GRK2: variants seen among roughly 807,000 people sequenced by gnomAD.
GRK2 encodes adrenergic beta receptor kinase 1.
A neutral mutation model predicts 97.8 loss-of-function variants in GRK2; 23 were observed. The ratio of observed to expected loss-of-function variants is 0.24; its 90% CI spans 0.17 to 0.33. The LOEUF (loss-of-function observed/expected upper bound fraction) is 0.33, where lower values mean the gene tolerates loss of function less well. Ranked by LOEUF, GRK2 falls within the 10% of genes least tolerant of loss-of-function variation. GRK2 has a pLI of 1.00. For synonymous variants in GRK2, 425 were observed against 381.7 expected (o/e 1.11, Z -1.32); for missense variants, 633 against 956.9 (o/e 0.66, Z 4.47).
At chr11:67,278,283 C>T (rs550236520) in intron 2 of GRK2, among the ~76,000 whole-genome samples, 88 of 152,342 alleles carry the variant, frequency 5.8e-4, no homozygotes, top group Middle Eastern at 3.4e-3. Context: ...CATGAGAGGC[C>T]ACCCAGCTCG....
chr11:67,279,068 T>G (rs912729902), intron 2 of GRK2, 132 bp from the exon 3 acceptor site: 2 of 746,280 alleles, frequency 2.7e-6, no homozygotes, highest in African/African-American at 1.7e-5. Context: ...GCCCACCCCT[T>G]GCCTGGGGCC....
chr11:67,283,294 G>T, intron 15 of GRK2, 66 bp downstream of exon 15: 2 of 1,421,362 alleles, frequency 1.4e-6, no homozygotes, highest in Non-Finnish European at 2.0e-6. Flanking sequence ...GCTGTGTCCC[G>T]TCACCTGGAA....
intron 2 of GRK2, among the ~76,000 whole-genome samples, chr11:67,278,590 G>A (rs937624400): frequency 1.3e-5 from 2 of 152,182 alleles, no homozygotes; most frequent in African/African-American, 4.8e-5. Context: ...TGTCTGACCA[G>A]CTCCCTGAGC....
At chr11:67,271,958 G>A (rs1275301634) in intron 1 of GRK2, among the ~76,000 whole-genome samples, 3 of 152,208 alleles carry the variant, frequency 2.0e-5, no homozygotes, top group Non-Finnish European at 2.9e-5. Flanking sequence ...ACTGGTTGGT[G>A]AATGCTCGCT....
At chr11:67,284,033 G>T (rs1860217473) in intron 17 of GRK2, 84 bp downstream of exon 17, 1 of 1,443,882 alleles carries the variant, frequency 6.9e-7, no homozygotes, top group Non-Finnish European at 9.5e-7. Flanking sequence ...TCACCTGTGA[G>T]ACCCTGTGCC....
rs1307019463 is a variant in GRK2 at position 67,284,997 on chromosome 11, G to A, written c.1791+14G>A. ...GGCGAGGCCCCGGTAAGGAGCCCGT[G>A]CGGGGGTCCGGGAGCCGGGCTTCCG... On this transcript the variant is annotated intron_variant, in intron 19 of 20. Coordinates refer to ENST00000308595, the MANE Select transcript of GRK2 (RefSeq NM_001619.5). 3 of 1,612,380 alleles carry A rather than the reference G, an allele frequency of 1.9e-6. No individual in the cohort carries two copies. Among genetic ancestry groups the A allele is most frequent in the African/African-American group, 1.3e-5 (1 of 75,042 alleles).
chr11:67,280,453 G>A, intron 6 of GRK2: 1 of 549,138 alleles, frequency 1.8e-6, no homozygotes, highest in East Asian at 3.2e-5. Context: ...GGAAGTCTGG[G>A]TTAGACTGGA....
Position 67,284,870 on chromosome 11 carries a change from A to G in GRK2, c.1678A>G (p.Ile560Val), listed in dbSNP as rs1177623092. 2.5e-6 allele frequency: 4 copies of G among 1,613,238 alleles called. No individual in the cohort carries two copies. Among genetic ancestry groups the G allele is most frequent in the Non-Finnish European group, 3.4e-6 (4 of 1,179,974 alleles). Residue 560 changes from isoleucine to valine, a missense_variant, in exon 19 of 21, where the codon ATC (isoleucine) becomes GTC (valine). Ile to Val is a conservative substitution (Grantham distance 29, BLOSUM62 3). Coordinates refer to ENST00000308595, the MANE Select transcript of GRK2 (RefSeq NM_001619.5). ...EEDYALGKDCIMHGYMSKMGN... is the reference protein window; with the variant it reads ...EEDYALGKDCVMHGYMSKMGN... ...AGACTACGCCCTGGGCAAGGACTGC[A>G]TCATGCATGGCTACATGTCCAAGAT...
Position 67,276,332 on chromosome 11 carries a change from G to A in GRK2, c.114-940G>A, listed in dbSNP as rs1435806358. ...GCAGGGCTGGGCTTGAGGTGGGCCAGGAGAGGGCAGGAGGGGACAGTAAGG... is the reference window on the plus strand; with the variant it reads ...GCAGGGCTGGGCTTGAGGTGGGCCAAGAGAGGGCAGGAGGGGACAGTAAGG... On this transcript the variant is annotated intron_variant, in intron 1 of 20. Coordinates refer to ENST00000308595, the MANE Select transcript of GRK2 (RefSeq NM_001619.5). This position sits in a 1 kb window ranked among gnomAD's most constrained non-coding sequence, Gnocchi z 4.2. 6.6e-6 allele frequency among the ~76,000 whole-genome samples: 1 copy of A among 152,202 alleles called. No homozygotes were observed. The highest frequency in any genetic ancestry group is 1.5e-5 in the Non-Finnish European group (1 of 68,028).
In GRK2 at chr11:67,282,955, C is replaced by G; in HGVS notation, c.1227+137C>G. 2 of 1,176,770 alleles carry G rather than the reference C, an allele frequency of 1.7e-6. No individual in the cohort carries two copies. Among genetic ancestry groups the G allele is most frequent in the South Asian group, 2.7e-5 (2 of 74,874 alleles). The allele number at this position is 1,176,770 out of a possible 1,614,324, so 72.9% of individuals were successfully genotyped here. Reference sequence around the variant, plus strand: ...TACTCTGGCCTCTGAGACAGACCTCCTGCCCCATAGGCTCTCGCCCTCCCC... The same window carrying G: ...TACTCTGGCCTCTGAGACAGACCTCGTGCCCCATAGGCTCTCGCCCTCCCC... On this transcript the variant is annotated intron_variant, in intron 14 of 20. Coordinates refer to ENST00000308595, the MANE Select transcript of GRK2 (RefSeq NM_001619.5). The surrounding 1 kb of genome is among the most constrained non-coding windows in gnomAD (Gnocchi z 6.9).
At chr11:67,284,631 C>A in intron 18 of GRK2, 1 of 742,800 alleles carries the variant, frequency 1.3e-6, no homozygotes, top group Non-Finnish European at 2.1e-6. Flanking sequence ...CCAAAAAATA[C>A]CAAAAAAATT....
In GRK2 at chr11:67,279,880, G is replaced by A; in HGVS notation, c.483G>A (p.Val161=). The change falls in exon 6 of 21, where the codon GTG becomes GTA. Residue 161 remains valine (V), a synonymous_variant. Transcript: ENST00000308595. Reference sequence around the variant, plus strand: ...TTTGTCAAAACCTCCGAGGGGACGTGTTCCAGAAATTCATTGAGAGGTGAG... The same window carrying A: ...TTTGTCAAAACCTCCGAGGGGACGTATTCCAGAAATTCATTGAGAGGTGAG... ...EEICQNLRGD[V]FQKFIESDKF... is the part of the protein sequence containing the mutation. 1 of 1,613,982 alleles carries A rather than the reference G, an allele frequency of 6.2e-7. No homozygotes were observed. Among genetic ancestry groups the A allele is most frequent in the East Asian group, 2.2e-5 (1 of 44,888 alleles).
At chr11:67,271,223 G>A (rs1859900736) in intron 1 of GRK2, among the ~76,000 whole-genome samples, 1 of 152,230 alleles carries the variant, frequency 6.6e-6, no homozygotes, top group Admixed American at 6.5e-5. Context: ...AGTTTCCACT[G>A]CTGGATGGAG....
In GRK2 at chr11:67,279,214, C is replaced by G. The variant is rs768317883; in HGVS notation, c.205C>G (p.Arg69Gly). The G allele has an allele frequency of 1.2e-6, 2 of 1,613,332 alleles. No individual in the cohort carries two copies. Among genetic ancestry groups the G allele is most frequent in the African/African-American group, 2.7e-5 (2 of 75,040 alleles). The change falls in exon 3 of 21, where the codon CGA becomes GGA. Residue 69 changes from arginine to glycine, a missense_variant. Transcript: ENST00000308595. ...GTTGCCTTCAGGGTACCTGCTCTTC[C>G]GAGACTTCTGCCTGAACCACCTGGA... The part of the protein sequence containing the change: ...FSQKLGYLLF[R>G]DFCLNHLEEA...
Position 67,281,149 on chromosome 11 carries a change from G to T in GRK2, c.612G>T (p.Glu204Asp). ...TCATTGGGCGCGGGGGCTTTGGCGA[G>T]GTCTATGGGTGCCGGAAGGCTGACA... is the stretch of plus-strand genomic sequence containing the variant. Reference protein sequence around the residue: ...HRIIGRGGFGEVYGCRKADTG... With the variant: ...HRIIGRGGFGDVYGCRKADTG... Residue 204 changes from glutamate (E) to aspartate (D), a missense_variant, in exon 8 of 21, where the codon GAG becomes GAT. Glu to Asp is a conservative substitution (Grantham distance 45, BLOSUM62 2). Coordinates refer to ENST00000308595, the MANE Select transcript of GRK2 (RefSeq NM_001619.5). The surrounding 1 kb of genome is among the most constrained non-coding windows in gnomAD (Gnocchi z 5.7). 6.2e-7 allele frequency: 1 copy of T among 1,613,506 alleles called. No individual in the cohort carries two copies. Among genetic ancestry groups the T allele is most frequent in the Non-Finnish European group, 8.5e-7 (1 of 1,179,758 alleles).
intron 1 of GRK2, among the ~76,000 whole-genome samples, chr11:67,267,961 G>A (rs941859493): frequency 6.6e-6 from 1 of 152,204 alleles, no homozygotes; most frequent in Admixed American, 6.5e-5. Context: ...CTGTGCCAGG[G>A]AGCAGACGTG....
intron 3 of GRK2, 23 bp from the exon 4 acceptor site, chr11:67,279,395 C>T (rs1860100268): frequency 6.2e-7 from 1 of 1,611,512 alleles, no homozygotes; most frequent in African/African-American, 1.3e-5. Context: ...CTCTAGATGA[C>T]CTGCAGGAAT....
At chr11:67,284,406 C>T in intron 18 of GRK2, 33 bp downstream of exon 18, 2 of 1,607,230 alleles carry the variant, frequency 1.2e-6, no homozygotes, top group Non-Finnish European at 1.7e-6. Context: ...GCACCAGGCC[C>T]CTGCCTGCTT....
At position 67,285,538 on chromosome 11, in the gene GRK2, T is replaced by G. The variant is rs1294916067; in HGVS notation, c.*88T>G. Reference sequence around the variant, plus strand: ...CCGCCAAGCGGAAAAGGTTTTATTTTGTAATTATTGTGATTTCCCGTGGCC... The same window carrying G: ...CCGCCAAGCGGAAAAGGTTTTATTTGGTAATTATTGTGATTTCCCGTGGCC... On this transcript the variant is annotated 3_prime_UTR_variant, in exon 21 of 21. Transcript: ENST00000308595. 4.3e-6 allele frequency: 6 copies of G among 1,406,314 alleles called. No homozygotes were observed. The African/African-American group carries it at 8.7e-5, about 20-fold the overall frequency. The allele number at this position is 1,406,314 out of a possible 1,614,324, so 87.1% of individuals were successfully genotyped here.
Sources: allele counts gnomAD v4.1 joint callset (sites outside exome capture counted in the v4.1 genomes callset), GRCh38; gene constraint gnomAD v4.1.1; non-coding constraint Gnocchi (gnomAD v3.1); transcripts MANE v1.5; gene names NCBI Gene and HGNC (gene_info 2026-07-23, HGNC 2026-07-21).